The following ICOS variants were observed in gnomAD, a reference collection of about 807,000 sequenced individuals.
ICOS encodes the protein inducible T-cell costimulator.
A neutral mutation model predicts 24.6 loss-of-function variants in ICOS; 15 were observed. The ratio of observed to expected loss-of-function variants is 0.61; its 90% CI spans 0.41 to 0.94. The LOEUF is 0.94. Among genes scored for constraint, ICOS ranks in the 40% least tolerant of loss-of-function variants. ICOS has a pLI of 0.00. For synonymous variants in ICOS, 89 were observed against 77.5 expected (o/e 1.15, Z -0.78); for missense variants, 200 against 233.0 (o/e 0.86, Z 0.92).
chr2:203,954,323 C>G (rs930190747), intron 1 of ICOS, among the ~76,000 whole-genome samples: 1 of 152,152 alleles, frequency 6.6e-6, no homozygotes, highest in Non-Finnish European at 1.5e-5. Context: ...TGGTGGTTCA[C>G]GTCTGTAATC....
intron 1 of ICOS, among the ~76,000 whole-genome samples, chr2:203,949,578 G>C (rs1689934377): frequency 6.6e-6 from 1 of 152,184 alleles, no homozygotes; most frequent in Non-Finnish European, 1.5e-5. Context: ...ATGAAGTGTT[G>C]ATGAAATTTA....
At chr2:203,938,157 G>A (rs368615257) in intron 1 of ICOS, among the ~76,000 whole-genome samples, 1 of 152,180 alleles carries the variant, frequency 6.6e-6, no homozygotes, top group African/African-American at 2.4e-5. Flanking sequence ...GATAATTACA[G>A]GCAAAACTCA....
intron 1 of ICOS, among the ~76,000 whole-genome samples, chr2:203,939,499 G>A (rs1689725803): frequency 6.6e-6 from 1 of 152,156 alleles, no homozygotes; most frequent in African/African-American, 2.4e-5. Context: ...GGGACCATAT[G>A]AGTGATGGGA....
chr2:203,938,641 T>C (rs1449100731), intron 1 of ICOS, among the ~76,000 whole-genome samples: 1 of 152,206 alleles, frequency 6.6e-6, no homozygotes. Flanking sequence ...CCAAACCAAT[T>C]TGGGCAGTTC....
intron 1 of ICOS, among the ~76,000 whole-genome samples, chr2:203,947,305 AATTATT>A (rs546361002): frequency 2.6e-5 from 4 of 151,868 alleles, no homozygotes; most frequent in African/African-American, 9.7e-5. Context: ...ATATTATAAA[AATTATT>A]ATTATTATTA....
At chr2:203,957,418 G>T (rs1690096393) in intron 3 of ICOS, among the ~76,000 whole-genome samples, 2 of 152,122 alleles carry the variant, frequency 1.3e-5, no homozygotes, top group Admixed American at 1.3e-4. Flanking sequence ...CTCAATCAAA[G>T]AACTGACACC....
rs902181759 is a variant in ICOS, at chr2:203,937,295, A to G, written c.58+423A>G. ...ATAAAATGGGAAGTCTTTGAAAAGAAGGATTTTGATTTTAATCTTACCTGG... is the reference window on the plus strand; with the variant it reads ...ATAAAATGGGAAGTCTTTGAAAAGAGGGATTTTGATTTTAATCTTACCTGG... On this transcript the variant is annotated intron_variant, in intron 1 of 4. Transcript: ENST00000316386. Among the ~76,000 whole-genome samples the G allele has an allele frequency of 5.3e-5, 8 of 152,308 alleles. No homozygotes were observed. The East Asian group carries it at 1.5e-3, about 29-fold the overall frequency.
chr2:203,945,010 T>G (rs1438119663), intron 1 of ICOS, among the ~76,000 whole-genome samples: 1 of 152,022 alleles, frequency 6.6e-6, no homozygotes, highest in Non-Finnish European at 1.5e-5. Context: ...AAAAGTTCAG[T>G]GTGGCTTCAA....
chr2:203,942,573 T>C (rs1689797173), intron 1 of ICOS, among the ~76,000 whole-genome samples: 1 of 152,238 alleles, frequency 6.6e-6, no homozygotes, highest in South Asian at 2.1e-4. Context: ...TTTTTTGATA[T>C]ATAATAACCC....
intron 1 of ICOS, among the ~76,000 whole-genome samples, chr2:203,947,385 T>G (rs371833934): frequency 6.6e-5 from 10 of 152,268 alleles, no homozygotes; most frequent in African/African-American, 2.4e-4. Context: ...CTCGGCTCAC[T>G]GCAACCTCTG....
intron 4 of ICOS, 115 bp downstream of exon 4, chr2:203,957,998 T>C: frequency 1.5e-6 from 1 of 656,130 alleles, no homozygotes; most frequent in Non-Finnish European, 2.7e-6. Flanking sequence ...AAGGCCTAAT[T>C]CTAGAATTTT....
At chr2:203,946,881 T>A (rs1379282818) in intron 1 of ICOS, among the ~76,000 whole-genome samples, 1 of 152,202 alleles carries the variant, frequency 6.6e-6, no homozygotes, top group Non-Finnish European at 1.5e-5. Flanking sequence ...TCTGAGACCT[T>A]TGTGGAGGTT....
At chr2:203,938,698 AT>A (rs749653232) in intron 1 of ICOS, among the ~76,000 whole-genome samples, 5 of 152,230 alleles carry the variant, frequency 3.3e-5, no homozygotes, top group Non-Finnish European at 5.9e-5. Context: ...ATCGGTGTCA[AT>A]TCTGTGGAAG....
At chr2:203,950,825 G>T (rs1238314489) in intron 1 of ICOS, among the ~76,000 whole-genome samples, 1 of 152,090 alleles carries the variant, frequency 6.6e-6, no homozygotes, top group East Asian at 1.9e-4. Flanking sequence ...ACTTTGGGAG[G>T]CCAAGGTGGG....
chr2:203,950,006 A>T (rs1431866623), intron 1 of ICOS, among the ~76,000 whole-genome samples: 2 of 152,266 alleles, frequency 1.3e-5, no homozygotes, highest in African/African-American at 4.8e-5. Flanking sequence ...AGTCATGGTT[A>T]TAAGGGGCAG....
intron 1 of ICOS, among the ~76,000 whole-genome samples, chr2:203,945,314 T>A (rs1176840021): frequency 6.6e-6 from 1 of 151,918 alleles, no homozygotes; most frequent in Non-Finnish European, 1.5e-5. Context: ...TGAGCTGGAG[T>A]CAACTGGACT....
intron 1 of ICOS, among the ~76,000 whole-genome samples, chr2:203,953,500 C>A (rs1690020778): frequency 6.6e-6 from 1 of 151,968 alleles, no homozygotes; most frequent in Non-Finnish European, 1.5e-5. Context: ...TCAAATCACC[C>A]AAATTGAAGA....
intron 1 of ICOS, among the ~76,000 whole-genome samples, chr2:203,945,381 G>T (rs765590919): frequency 7.2e-5 from 11 of 152,192 alleles, no homozygotes; most frequent in Middle Eastern, 3.2e-3. Context: ...AAGACTCTGA[G>T]GTTCCTAGGG....
chr2:203,957,935 C>T (rs772210728), intron 4 of ICOS, 52 bp downstream of exon 4: 1 of 1,099,764 alleles, frequency 9.1e-7, no homozygotes, highest in Admixed American at 1.9e-5. Flanking sequence ...TCACAGTAAG[C>T]CTGGAATGTT....
Sources: gnomAD v4.1 joint callset for allele counts (sites outside exome capture counted in the v4.1 genomes callset) on GRCh38, gnomAD v4.1.1 for gene constraint, MANE v1.5 for transcripts, NCBI Gene and HGNC (gene_info 2026-07-23, HGNC 2026-07-21) for gene names.